The following MCM10 variants were observed in gnomAD, a reference collection of about 807,000 sequenced individuals.
The protein encoded by MCM10 is minichromosome maintenance 10 replication initiation factor.
A neutral mutation model predicts 109.9 loss-of-function variants in MCM10; 91 were observed. That is an observed-to-expected ratio of 0.83 (90% CI 0.70 to 0.99). The LOEUF is 0.99. Among genes scored for constraint, MCM10 ranks in the 50% least tolerant of loss-of-function variants. MCM10 has a pLI of 0.00. For missense variants in MCM10, 1,077 were observed against 1,061.2 expected (o/e 1.01, Z -0.21); for synonymous variants, 380 against 387.2 (o/e 0.98, Z 0.22).
At chr10:13,198,605 G>T in intron 15 of MCM10, 84 bp from the exon 16 acceptor site, 1 of 838,342 alleles carries the variant, frequency 1.2e-6, no homozygotes, top group East Asian at 2.4e-5. Context: ...GAGGAGGAGG[G>T]AGTGGGAGGG....
At chr10:13,170,108 C>T (rs1243435586) in intron 2 of MCM10, among the ~76,000 whole-genome samples, 2 of 152,166 alleles carry the variant, frequency 1.3e-5, no homozygotes, top group African/African-American at 4.8e-5. Context: ...ATTTTTAAAA[C>T]CATCTAATAT....
Position 13,172,706 on chromosome 10 carries a change from A to G in MCM10, c.533A>G (p.Asp178Gly), listed in dbSNP as rs375765384. Reference protein sequence around the residue: ...QESTCFSAELDVPALPRTKRV... With the variant: ...QESTCFSAELGVPALPRTKRV... ...TCAACATGCTTTTCTGCGGAGCTTG[A>G]TGTCCCTGCGCTACCAAGAACCAAG... The change falls in exon 5 of 20, where the codon GAT becomes GGT. Residue 178 changes from aspartate to glycine, a missense_variant. Physicochemically the swap from Asp to Gly is moderately conservative, Grantham distance 94 (BLOSUM62 -1). Transcript: ENST00000378714. This position sits in a 1 kb window ranked among gnomAD's most constrained non-coding sequence, Gnocchi z 5.2. 33 of 1,614,000 alleles carry G rather than the reference A, an allele frequency of 2.0e-5. No homozygotes were observed. Among genetic ancestry groups the G allele is most frequent in the Admixed American group, 5.0e-5 (3 of 59,996 alleles).
intron 1 of MCM10, among the ~76,000 whole-genome samples, chr10:13,163,296 C>T (rs1169707266): frequency 6.6e-6 from 1 of 152,080 alleles, no homozygotes; most frequent in Non-Finnish European, 1.5e-5. Flanking sequence ...CCAATAGCAC[C>T]ACTGCACTCC....
chr10:13,204,994 GTATGTATGTATATATATATATATATATA>G lies in MCM10; in HGVS notation c.2498+634_2498+661del, dbSNP rs1472026391. Among the ~76,000 whole-genome samples, 57 of 123,384 alleles carry G rather than the reference GTATGTATGTATATATATATATATATATA, an allele frequency of 4.6e-4. 2 individuals carry two copies. The highest frequency in any genetic ancestry group is 2.1e-3 in the African/African-American group (52 of 25,334). The allele number at this position is 123,384 out of a possible 152,430, so 80.9% of individuals were successfully genotyped here. A position where few individuals can be genotyped will look rare whatever the true frequency, so the allele number is the denominator to read the frequency against. On this transcript the variant is annotated intron_variant, in intron 18 of 19. Coordinates refer to ENST00000378714, the MANE Select transcript of MCM10 (RefSeq NM_018518.5). ...TTTATTGTGCTTCTCATGTATGTAT[GTATGTATGTATATATATATATATATATA>G]TATATATATATATATATATATATAT... is the stretch of plus-strand genomic sequence containing the variant.
chr10:13,209,210 TA>T lies in MCM10; in HGVS notation c.2542-16del. 1.2e-6 allele frequency: 2 copies of T among 1,611,044 alleles called. No homozygotes were observed. Among genetic ancestry groups the T allele is most frequent in the East Asian group, 4.5e-5 (2 of 44,866 alleles). On this transcript the variant is annotated splice_polypyrimidine_tract_variant and intron_variant, in intron 19 of 19. Coordinates refer to ENST00000378714, the MANE Select transcript of MCM10 (RefSeq NM_018518.5). Reference sequence around the variant, plus strand: ...AATGTGGAACCATCTCCTATTAAAATATTTTCATTTTTCTAGGAAAAGACTG... The same window carrying T: ...AATGTGGAACCATCTCCTATTAAAATTTTTCATTTTTCTAGGAAAAGACTG...
chr10:13,193,271 T>A (rs1834372909), intron 13 of MCM10, among the ~76,000 whole-genome samples: 1 of 149,032 alleles, frequency 6.7e-6, no homozygotes, highest in Non-Finnish European at 1.5e-5. Flanking sequence ...CAAAAGCAAG[T>A]GGAAATGTGT....
chr10:13,192,516 A>C lies in MCM10; in HGVS notation c.1693A>C (p.Lys565Gln). Residue 565 changes from lysine to glutamine, a missense_variant, in exon 13 of 20, where the codon AAG becomes CAG. Physicochemically the swap from Lys to Gln is moderately conservative, Grantham distance 53 (BLOSUM62 1). Coordinates refer to ENST00000378714, the MANE Select transcript of MCM10 (RefSeq NM_018518.5). Reference sequence around the variant, plus strand: ...GGCCTCAGCACTCTTGAAGCAACAGAAGCAGCGGATGTTGGAGATGAGGAG... The same window carrying C: ...GGCCTCAGCACTCTTGAAGCAACAGCAGCAGCGGATGTTGGAGATGAGGAG... ...ISASALLKQQ[K>Q]QRMLEMRRRK... 1 of 1,614,154 alleles carries C rather than the reference A, an allele frequency of 6.2e-7. No individual in the cohort carries two copies.
intron 16 of MCM10, among the ~76,000 whole-genome samples, chr10:13,199,204 G>T (rs1398402468): frequency 6.6e-6 from 1 of 152,190 alleles, no homozygotes; most frequent in Non-Finnish European, 1.5e-5. Context: ...ACCCAGCCAA[G>T]AATCTGTTTT....
chr10:13,197,421 C>T (rs759942651), intron 14 of MCM10, among the ~76,000 whole-genome samples: 1 of 152,040 alleles, frequency 6.6e-6, no homozygotes, highest in Admixed American at 6.6e-5. Context: ...AGATTTTATT[C>T]ATCAACATAT....
intron 6 of MCM10, among the ~76,000 whole-genome samples, chr10:13,176,893 C>T (rs1834148772): frequency 6.6e-6 from 1 of 152,130 alleles, no homozygotes; most frequent in African/African-American, 2.4e-5. Flanking sequence ...GACCTTGTTT[C>T]CACAAACAAG....
Position 13,197,654 on chromosome 10 carries a change from G to C in MCM10, c.2006G>C (p.Gly669Ala). ...LAAITKLRAK[G>A]QVLTKTNPNS... ...GCTATCACCAAATTAAGGGCAAAAG[G>C]CCAGGTTCTTACAAAAACAAACCCA... The change falls in exon 15 of 20, where the codon GGC becomes GCC. Residue 669 changes from glycine to alanine, a missense_variant. By Grantham distance (60) the Gly-to-Ala change is moderately conservative. Coordinates refer to ENST00000378714, the MANE Select transcript of MCM10 (RefSeq NM_018518.5). 6.2e-7 allele frequency: 1 copy of C among 1,613,710 alleles called. No homozygotes were observed. The highest frequency in any genetic ancestry group is 1.7e-4 in the Middle Eastern group (1 of 6,060).
chr10:13,195,140 G>T lies in MCM10; in HGVS notation c.1845G>T (p.Arg615Ser). The T allele has an allele frequency of 6.2e-7, 1 of 1,614,146 alleles. No individual in the cohort carries two copies. ...CACGGACAGGATCCGAGTTCCCCAGGCTGGAGGGAGCCCCGGCCACAATGA... is the reference window on the plus strand; with the variant it reads ...CACGGACAGGATCCGAGTTCCCCAGTCTGGAGGGAGCCCCGGCCACAATGA... Reference protein sequence around the residue: ...QPPRTGSEFPRLEGAPATMTP... With the variant: ...QPPRTGSEFPSLEGAPATMTP... The change falls in exon 14 of 20, where the codon AGG becomes AGT. Residue 615 changes from arginine (R) to serine (S), a missense_variant. By Grantham distance (110) the Arg-to-Ser change is moderately radical. Coordinates refer to ENST00000378714, the MANE Select transcript of MCM10 (RefSeq NM_018518.5).
chr10:13,201,330 C>T, intron 16 of MCM10, 91 bp from the exon 17 acceptor site: 6 of 786,672 alleles, frequency 7.6e-6, no homozygotes, highest in Non-Finnish European at 1.3e-5. Context: ...TCAGCTGAGT[C>T]ATTTGAATAA....
At chr10:13,206,461 A>G (rs1419240195) in intron 18 of MCM10, among the ~76,000 whole-genome samples, 1 of 151,928 alleles carries the variant, frequency 6.6e-6, no homozygotes, top group Non-Finnish European at 1.5e-5. Context: ...TTCATACTTC[A>G]CTCTCACTTC....
chr10:13,183,515 G>A (rs1180353730), intron 8 of MCM10, among the ~76,000 whole-genome samples: 2 of 152,116 alleles, frequency 1.3e-5, no homozygotes, highest in African/African-American at 4.8e-5. Flanking sequence ...ATGTGATTGT[G>A]TCTCCGTGAA....
chr10:13,206,798 C>CTTT (rs5783314), intron 18 of MCM10, among the ~76,000 whole-genome samples: 4 of 144,530 alleles, frequency 2.8e-5, no homozygotes, highest in Non-Finnish European at 4.5e-5. Flanking sequence ...TTGTCAGTTG[C>CTTT]TTTTTTTTTT....
intron 9 of MCM10, 123 bp from the exon 10 acceptor site, chr10:13,188,758 G>A (rs1245457231): frequency 1.2e-6 from 1 of 840,258 alleles, no homozygotes; most frequent in East Asian, 2.4e-5. Context: ...CGGTCGTGGA[G>A]GTCAGCAGGG....
At chr10:13,162,998 G>C (rs1387087466) in intron 1 of MCM10, among the ~76,000 whole-genome samples, 1 of 151,774 alleles carries the variant, frequency 6.6e-6, no homozygotes, top group African/African-American at 2.4e-5. Context: ...AGAATGGCGT[G>C]AACCCGGGAG....
intron 5 of MCM10, among the ~76,000 whole-genome samples, chr10:13,174,369 A>G (rs1382441654): frequency 1.3e-5 from 2 of 151,990 alleles, no homozygotes; most frequent in Admixed American, 1.3e-4. Flanking sequence ...ACCTGAAGTG[A>G]TCTGCCCACT....
Sources: gnomAD v4.1 joint callset for allele counts (sites outside exome capture counted in the v4.1 genomes callset) on GRCh38, gnomAD v4.1.1 for gene constraint, Gnocchi (gnomAD v3.1) non-coding constraint, MANE v1.5 for transcripts, NCBI Gene and HGNC (gene_info 2026-07-23, HGNC 2026-07-21) for gene names.